The following NUTF2 variants were observed in gnomAD, a reference collection of about 807,000 sequenced individuals.
The protein encoded by NUTF2 is nuclear transport factor 2.
In NUTF2, 3 loss-of-function variants were observed where a neutral mutation model predicts 18.5. The ratio of observed to expected loss-of-function variants is 0.16; its 90% confidence interval spans 0.07 to 0.42. NUTF2 has a LOEUF of 0.42. Among genes scored for constraint, NUTF2 ranks in the 10% least tolerant of loss-of-function variants. The pLI is 0.99. For synonymous variants in NUTF2, 51 were observed against 57.9 expected (o/e 0.88, Z 0.54); for missense variants, 44 against 160.7 (o/e 0.27, Z 3.93).
At chr16:67,870,644 T>G (rs1389097164) in intron 4 of NUTF2, 156 bp from the exon 5 acceptor site, 1 of 672,456 alleles carries the variant, frequency 1.5e-6, no homozygotes, top group Non-Finnish European at 2.7e-6. Flanking sequence ...TTACATCAAT[T>G]CACATTCACA....
chr16:67,861,967 G>C (rs1000748422), intron 1 of NUTF2, among the ~76,000 whole-genome samples: 1 of 152,034 alleles, frequency 6.6e-6, no homozygotes, highest in African/African-American at 2.4e-5. Flanking sequence ...ATCGCAGGAG[G>C]GGACTTTCCT....
intron 1 of NUTF2, among the ~76,000 whole-genome samples, chr16:67,858,373 G>A (rs2057912491): frequency 6.6e-6 from 1 of 152,026 alleles, no homozygotes; most frequent in African/African-American, 2.4e-5. Flanking sequence ...TCACCATGTT[G>A]GCCAGGCTGG....
Position 67,871,436 on chromosome 16 carries a change from A to G in NUTF2, c.*523A>G, listed in dbSNP as rs935975969. The G allele has an allele frequency of 2.0e-5, 3 of 152,538 alleles. No homozygotes were observed. Among genetic ancestry groups the G allele is most frequent in the Non-Finnish European group, 4.4e-5 (3 of 68,274 alleles). The allele number at this position is 152,538 out of a possible 1,614,324, so 9.4% of individuals were successfully genotyped here. ...CCAACTCTGAATACCTGTTGCAGGG[A>G]GAAACTGCTGAAGCAGCACTCCCAG... On this transcript the variant is annotated 3_prime_UTR_variant, in exon 5 of 5. Coordinates refer to ENST00000219169, the MANE Select transcript of NUTF2 (RefSeq NM_005796.3).
At chr16:67,857,346 A>G (rs1212472367) in intron 1 of NUTF2, among the ~76,000 whole-genome samples, 1 of 152,152 alleles carries the variant, frequency 6.6e-6, no homozygotes, top group Non-Finnish European at 1.5e-5. Flanking sequence ...CCCTCCCTGC[A>G]GGCAGAAGAG....
At chr16:67,858,767 A>C (rs2057914867) in intron 1 of NUTF2, among the ~76,000 whole-genome samples, 1 of 152,146 alleles carries the variant, frequency 6.6e-6, no homozygotes, top group Non-Finnish European at 1.5e-5. Flanking sequence ...ATGGGACAGA[A>C]TACATAGTAG....
At chr16:67,865,328 C>A in intron 2 of NUTF2, 99 bp downstream of exon 2, 1 of 775,534 alleles carries the variant, frequency 1.3e-6, no homozygotes, top group South Asian at 1.6e-5. Context: ...CCTATCTGGA[C>A]TGGCTACACC....
intron 4 of NUTF2, 62 bp from the exon 5 acceptor site, chr16:67,870,738 A>G: frequency 2.2e-6 from 3 of 1,370,402 alleles, no homozygotes; most frequent in Non-Finnish European, 3.1e-6. Context: ...CTCTTCTCCT[A>G]CCACTGAATT....
chr16:67,855,619 T>G (rs2057890051), intron 1 of NUTF2, among the ~76,000 whole-genome samples: 1 of 152,110 alleles, frequency 6.6e-6, no homozygotes. Context: ...TCTCGAATGA[T>G]TCCATCAGAG....
At chr16:67,849,559 C>G (rs1241495366) in intron 1 of NUTF2, among the ~76,000 whole-genome samples, 2 of 151,876 alleles carry the variant, frequency 1.3e-5, no homozygotes, top group Non-Finnish European at 2.9e-5. Flanking sequence ...TCAGGCTGGT[C>G]AAACTCCTGA....
At chr16:67,856,434 C>T (rs1040816768) in intron 1 of NUTF2, among the ~76,000 whole-genome samples, 2 of 151,854 alleles carry the variant, frequency 1.3e-5, no homozygotes, top group African/African-American at 4.8e-5. Flanking sequence ...TCATGATCCA[C>T]CTGCCTCGGC....
At chr16:67,867,316 A>G (rs2151300666) in intron 2 of NUTF2, among the ~76,000 whole-genome samples, 1 of 152,338 alleles carries the variant, frequency 6.6e-6, no homozygotes, top group South Asian at 2.1e-4. Context: ...GAGAGTTAGC[A>G]AGGTCCTAAA....
rs1390017127 is a variant in NUTF2 at position 67,872,473 on chromosome 16, G to C, written c.*1560G>C. On this transcript the variant is annotated 3_prime_UTR_variant, in exon 5 of 5. Coordinates refer to ENST00000219169, the MANE Select transcript of NUTF2 (RefSeq NM_005796.3). ...AAGTGGGGGTGGGGAAGAGGTAGGT[G>C]CCTGCTGCCTCAAACCACCTTGTGT... is the stretch of plus-strand genomic sequence containing the variant. 4.6e-5 allele frequency: 7 copies of C among 152,342 alleles called. No individual in the cohort carries two copies. Among genetic ancestry groups the C allele is most frequent in the Non-Finnish European group, 1.0e-4 (7 of 68,150 alleles). The allele number at this position is 152,342 out of a possible 1,614,324, so 9.4% of individuals were successfully genotyped here.
At position 67,865,122 on chromosome 16, in the gene NUTF2, C is replaced by T; in HGVS notation, c.-9C>T. 3 of 1,600,072 alleles carry T rather than the reference C, an allele frequency of 1.9e-6. No individual in the cohort carries two copies. The highest frequency in any genetic ancestry group is 1.7e-5 in the Admixed American group (1 of 59,970). On this transcript the variant is annotated 5_prime_UTR_variant, in exon 2 of 5. In the 5' UTR this introduces an upstream ATG that the reference lacks. Coordinates refer to ENST00000219169, the MANE Select transcript of NUTF2 (RefSeq NM_005796.3). Reference sequence around the variant, plus strand: ...TGCAGGTCTCCGTGAGGCCGGGTGACGCTCCAGAATGGGAGACAAGCCAAT... The same window carrying T: ...TGCAGGTCTCCGTGAGGCCGGGTGATGCTCCAGAATGGGAGACAAGCCAAT...
At chr16:67,849,177 A>C (rs2057832601) in intron 1 of NUTF2, among the ~76,000 whole-genome samples, 1 of 152,206 alleles carries the variant, frequency 6.6e-6, no homozygotes, top group African/African-American at 2.4e-5. Context: ...ATAAGGAGGG[A>C]CTACCCACAG....
chr16:67,858,126 A>G (rs375235172), intron 1 of NUTF2, among the ~76,000 whole-genome samples: 7 of 152,192 alleles, frequency 4.6e-5, no homozygotes, highest in East Asian at 3.8e-4. Context: ...TGCTAAGAAA[A>G]CAATACAGGA....
At position 67,870,996 on chromosome 16, in the gene NUTF2, A is replaced by T. The variant is rs2058007513; in HGVS notation, c.*83A>T. 9.4e-7 allele frequency: 1 copy of T among 1,063,020 alleles called. No homozygotes were observed. The highest frequency in any genetic ancestry group is 1.6e-5 in the African/African-American group (1 of 63,858). 65.8% of individuals were successfully genotyped at this position (1,063,020 alleles called of 1,614,324 possible). ...TCCCACTCCTCCAGATGCTCCAAAT[A>T]TCATGCACAAATGAGCAGGGCCGCG... On this transcript the variant is annotated 3_prime_UTR_variant, in exon 5 of 5. Coordinates refer to ENST00000219169, the MANE Select transcript of NUTF2 (RefSeq NM_005796.3).
Position 67,865,514 on chromosome 16 carries a change from C to T in NUTF2, c.99+285C>T, listed in dbSNP as rs532165516. Reference sequence around the variant, plus strand: ...CACATGGTTTTGGATTGGGCAGCAACAGGCAGAGGTTAGGGCTCATGGTGC... The same window carrying T: ...CACATGGTTTTGGATTGGGCAGCAATAGGCAGAGGTTAGGGCTCATGGTGC... On this transcript the variant is annotated intron_variant, in intron 2 of 4. Coordinates refer to ENST00000219169, the MANE Select transcript of NUTF2 (RefSeq NM_005796.3). Among the ~76,000 whole-genome samples, 307 of 152,298 alleles carry T rather than the reference C, an allele frequency of 2.0e-3. 1 individual carries two copies. The highest frequency in any genetic ancestry group is 3.2e-3 in the Non-Finnish European group (218 of 68,014).
At chr16:67,848,304 C>T (rs1236394080) in intron 1 of NUTF2, among the ~76,000 whole-genome samples, 1 of 152,196 alleles carries the variant, frequency 6.6e-6, no homozygotes, top group Non-Finnish European at 1.5e-5. Context: ...TAGCTCAGGC[C>T]TGGCGCGGTG....
intron 1 of NUTF2, among the ~76,000 whole-genome samples, chr16:67,855,722 A>C (rs1010297287): frequency 1.3e-5 from 2 of 152,178 alleles, no homozygotes; most frequent in Non-Finnish European, 2.9e-5. Context: ...AGGTGGTTTC[A>C]GGACTAGGAG....
Sources: allele counts gnomAD v4.1 joint callset (sites outside exome capture counted in the v4.1 genomes callset), GRCh38; gene constraint gnomAD v4.1.1; transcripts MANE v1.5; gene names NCBI Gene and HGNC (gene_info 2026-07-23, HGNC 2026-07-21).